SMYD3: variants seen among roughly 807,000 people sequenced by gnomAD.
SMYD3 encodes the protein histone-lysine N-methyltransferase SMYD3.
Under a neutral mutation model 57.7 loss-of-function variants are expected in SMYD3, and 36 were observed. The ratio of observed to expected loss-of-function variants is 0.62; its 90% CI spans 0.48 to 0.82. The LOEUF (loss-of-function observed/expected upper bound fraction) is 0.82. Ranked by LOEUF, SMYD3 falls within the 40% of genes least tolerant of loss-of-function variation. The pLI is 0.00. For missense variants in SMYD3, 515 were observed against 538.8 expected (o/e 0.96, Z 0.44); for synonymous variants, 211 against 195.0 (o/e 1.08, Z -0.68).
chr1:245,791,773 G>A (rs1310332965), intron 10 of SMYD3, among the ~76,000 whole-genome samples: 1 of 152,176 alleles, frequency 6.6e-6, no homozygotes, highest in Non-Finnish European at 1.5e-5. Context: ...GGAAGCCACT[G>A]AAAACCTCCT....
intron 1 of SMYD3, among the ~76,000 whole-genome samples, chr1:246,447,202 A>C (rs1434435821): frequency 6.6e-6 from 1 of 152,222 alleles, no homozygotes; most frequent in East Asian, 1.9e-4. Flanking sequence ...AACCAGATTT[A>C]ATTATAGGAT....
intron 10 of SMYD3, among the ~76,000 whole-genome samples, chr1:245,770,106 G>A (rs1257111551): frequency 1.3e-5 from 2 of 152,204 alleles, no homozygotes; most frequent in East Asian, 1.9e-4. Context: ...CTGAAAACAC[G>A]AAATGCTGTA....
chr1:246,309,724 G>C, intron 5 of SMYD3, among the ~76,000 whole-genome samples: 1 of 152,176 alleles, frequency 6.6e-6, no homozygotes, highest in East Asian at 1.9e-4. Context: ...TCACGGCCAA[G>C]AGTCTTTACT....
intron 5 of SMYD3, among the ~76,000 whole-genome samples, chr1:246,169,701 T>G (rs2062294322): frequency 6.6e-6 from 1 of 152,030 alleles, no homozygotes; most frequent in East Asian, 1.9e-4. Context: ...GTCAGGAGTT[T>G]GAGACCAGCC....
intron 1 of SMYD3, among the ~76,000 whole-genome samples, chr1:246,396,716 C>T (rs879942959): frequency 6.6e-6 from 1 of 152,162 alleles, no homozygotes; most frequent in Non-Finnish European, 1.5e-5. Context: ...TGTGACAGTA[C>T]GTTCTCACGA....
chr1:245,963,534 T>C (rs200316807), intron 5 of SMYD3, among the ~76,000 whole-genome samples: 5 of 129,812 alleles, frequency 3.9e-5, no homozygotes, highest in African/African-American at 1.4e-4. Flanking sequence ...CTTTTGTGAG[T>C]TTTTTTTTTT....
chr1:245,972,350 A>G (rs1263786852), intron 5 of SMYD3, among the ~76,000 whole-genome samples: 1 of 152,138 alleles, frequency 6.6e-6, no homozygotes, highest in Non-Finnish European at 1.5e-5. Context: ...ACAACAACAC[A>G]GTGTTCAATG....
chr1:246,023,807 CTG>C lies in SMYD3; in HGVS notation c.532-93872_532-93871del, dbSNP rs201726897. On this transcript the variant is annotated intron_variant, in intron 5 of 11. Coordinates refer to ENST00000490107, the MANE Select transcript of SMYD3 (RefSeq NM_001167740.2). ...CCCACTTCACAGGACTATTACAAAA[CTG>C]TGTGTGTGTGTGTGTGTGTGTGTGT... Among the ~76,000 whole-genome samples the C allele has an allele frequency of 7.1e-3, 993 of 139,422 alleles. 9 individuals carry two copies. The highest frequency in any genetic ancestry group is 9.2e-3 in the South Asian group (36 of 3,898). 91.5% of individuals were successfully genotyped at this position (139,422 alleles called of 152,430 possible). A position where few individuals can be genotyped will look rare whatever the true frequency, so the allele number is the denominator to read the frequency against.
intron 5 of SMYD3, among the ~76,000 whole-genome samples, chr1:246,059,105 T>C (rs1179812874): frequency 6.6e-6 from 1 of 152,164 alleles, no homozygotes; most frequent in East Asian, 1.9e-4. Flanking sequence ...CTCAATCTCC[T>C]GACCTTGTGA....
At position 245,858,621 on chromosome 1, in the gene SMYD3, A is replaced by G. The variant is rs757612825; in HGVS notation, c.951T>C (p.Ser317=). The part of the protein sequence containing the change: ...AMCQAIISSN[S]ERLPDINIYQ... ...AGATGTTGATATCGGGAAGCCGTTCAGAATTGCTGCTTATGATTGCCTGGC... is the reference window on the plus strand; with the variant it reads ...AGATGTTGATATCGGGAAGCCGTTCGGAATTGCTGCTTATGATTGCCTGGC... Residue 317 remains serine, a synonymous_variant, in exon 10 of 12, where the codon TCT becomes TCC. Coordinates refer to ENST00000490107, the MANE Select transcript of SMYD3 (RefSeq NM_001167740.2). The G allele has an allele frequency of 4.3e-6, 7 of 1,614,266 alleles. No individual in the cohort carries two copies. Among genetic ancestry groups the G allele is most frequent in the Non-Finnish European group, 5.1e-6 (6 of 1,180,042 alleles).
chr1:245,886,001 CAT>C (rs2053068052), intron 8 of SMYD3, among the ~76,000 whole-genome samples: 1 of 152,056 alleles, frequency 6.6e-6, no homozygotes, highest in Admixed American at 6.5e-5. Flanking sequence ...TTGTAGAAAA[CAT>C]AATTTATTAA....
intron 1 of SMYD3, among the ~76,000 whole-genome samples, chr1:246,447,200 T>G (rs1391174170): frequency 6.6e-6 from 1 of 152,216 alleles, no homozygotes; most frequent in Non-Finnish European, 1.5e-5. Context: ...GAAACCAGAT[T>G]TAATTATAGG....
At position 246,482,326 on chromosome 1, in the gene SMYD3, A is replaced by G. The variant is rs568398947; in HGVS notation, c.164+24728T>C. 1.2e-4 allele frequency among the ~76,000 whole-genome samples: 18 copies of G among 152,274 alleles called. No homozygotes were observed. In the South Asian group the frequency reaches 3.5e-3, roughly 30 times the overall value. On this transcript the variant is annotated intron_variant, in intron 1 of 11. Coordinates refer to ENST00000490107, the MANE Select transcript of SMYD3 (RefSeq NM_001167740.2). ...GTGCTCCTTAGTGATAGGATCCTCA[A>G]TGTTATAGATACATCCTCAATGTTA...
At chr1:246,453,770 C>G (rs1012290278) in intron 1 of SMYD3, among the ~76,000 whole-genome samples, 14 of 152,152 alleles carry the variant, frequency 9.2e-5, no homozygotes, top group Admixed American at 5.9e-4. Flanking sequence ...CCAATTATGC[C>G]CAATCTTTTA....
At chr1:246,406,465 CAT>C (rs2066867783) in intron 1 of SMYD3, among the ~76,000 whole-genome samples, 2 of 152,172 alleles carry the variant, frequency 1.3e-5, no homozygotes, top group Non-Finnish European at 2.9e-5. Context: ...AAAATCAACA[CAT>C]ATGATCTGTT....
intron 1 of SMYD3, among the ~76,000 whole-genome samples, chr1:246,427,867 AG>A (rs2103005447): frequency 6.6e-6 from 1 of 152,350 alleles, no homozygotes; most frequent in South Asian, 2.1e-4. Flanking sequence ...AGAAAAAAAA[AG>A]TAAAGCAGAA....
chr1:246,458,666 T>C (rs2067744737), intron 1 of SMYD3, among the ~76,000 whole-genome samples: 1 of 140,094 alleles, frequency 7.1e-6, no homozygotes, highest in Admixed American at 7.6e-5. Flanking sequence ...CGGGGTTTCA[T>C]TATGTTAGCC....
rs113330001 is a variant in SMYD3, at chr1:246,138,710, T to C, written c.531+188491A>G. Among the ~76,000 whole-genome samples, 1,272 of 151,856 alleles carry C rather than the reference T, an allele frequency of 8.4e-3. 10 individuals are homozygous for C. Among genetic ancestry groups the C allele is most frequent in the African/African-American group, 0.027 (1,108 of 41,482 alleles). On this transcript the variant is annotated intron_variant, in intron 5 of 11. Transcript: ENST00000490107. ...AAAGTGCTGGGATTACAGGCATGAGTCACCGCGCCCAGCCAAAAATTTATT... is the reference window on the plus strand; with the variant it reads ...AAAGTGCTGGGATTACAGGCATGAGCCACCGCGCCCAGCCAAAAATTTATT...
At chr1:245,831,749 G>C (rs6661995) in intron 10 of SMYD3, among the ~76,000 whole-genome samples, 123,514 of 152,186 alleles carry the variant, frequency 0.81, 52,346 homozygotes, top group Non-Finnish European at 0.95. Context: ...CACTGACAAG[G>C]GAACAGAAAA....
Sources: gnomAD v4.1 joint callset for allele counts (sites outside exome capture counted in the v4.1 genomes callset) on GRCh38, gnomAD v4.1.1 for gene constraint, MANE v1.5 for transcripts, NCBI Gene and HGNC (gene_info 2026-07-23, HGNC 2026-07-21) for gene names.